Variants in MRPL42 observed in about 807,000 individuals in gnomAD.
MRPL42 encodes large ribosomal subunit protein mL42.
Under a neutral mutation model 17.9 loss-of-function variants are expected in MRPL42, and 17 were observed. The ratio of observed to expected loss-of-function variants is 0.95; its 90% CI spans 0.65 to 1.42. The LOEUF (loss-of-function observed/expected upper bound fraction) is 1.42, where lower values mean the gene tolerates loss of function less well. Ranked by LOEUF, MRPL42 falls within the 40% of genes most tolerant of loss-of-function variation. The pLI is 0.00. For synonymous variants in MRPL42, 59 were observed against 54.4 expected (o/e 1.08, Z -0.37); for missense variants, 177 against 175.2 (o/e 1.01, Z -0.06).
chr12:93,484,890 G>T (rs1009438822), intron 4 of MRPL42, among the ~76,000 whole-genome samples: 1 of 145,076 alleles, frequency 6.9e-6, no homozygotes, highest in African/African-American at 2.5e-5. Flanking sequence ...GAGTCACTGC[G>T]CCCGGCCTCA....
Position 93,480,130 on chromosome 12 carries a change from C to CT in MRPL42, c.219+667dup, listed in dbSNP as rs1292151973. On this transcript the variant is annotated intron_variant, in intron 4 of 5. Transcript: ENST00000549982. ...CTTCTACTAGGTAATGTTTGATTTG[C>CT]TTTTTTTTTGAGACAGGGTCTCACT... 2.8e-3 allele frequency among the ~76,000 whole-genome samples: 415 copies of CT among 150,634 alleles called. 4 individuals carry two copies. Among genetic ancestry groups the CT allele is most frequent in the Non-Finnish European group, 4.7e-3 (320 of 67,482 alleles).
chr12:93,497,929 T>A (rs1953536397), intron 5 of MRPL42, among the ~76,000 whole-genome samples: 1 of 144,462 alleles, frequency 6.9e-6, no homozygotes, highest in Non-Finnish European at 1.5e-5. Flanking sequence ...CCTACTGTCT[T>A]TTCCTTGTTC....
In MRPL42 at chr12:93,496,337, G is replaced by A. The variant is rs148786235; in HGVS notation, c.384-4839G>A. On this transcript the variant is annotated intron_variant, in intron 5 of 5. Transcript: ENST00000549982. ...GGCTCCCAAAGTGCTAAGATTACAA[G>A]CATGAGCCACCACGCCCAGACAACA... Among the ~76,000 whole-genome samples, 427 of 152,180 alleles carry A rather than the reference G, an allele frequency of 2.8e-3. 7 individuals carry two copies. The highest frequency in any genetic ancestry group is 0.024 in the Admixed American group (367 of 15,268).
intron 3 of MRPL42, among the ~76,000 whole-genome samples, chr12:93,477,631 C>G (rs1206691859): frequency 2.6e-5 from 4 of 151,994 alleles, no homozygotes; most frequent in African/African-American, 9.7e-5. Flanking sequence ...GGGTCTTGTT[C>G]TCTCGCTCAG....
chr12:93,490,112 A>T (rs1350212813), intron 5 of MRPL42, among the ~76,000 whole-genome samples: 1 of 152,180 alleles, frequency 6.6e-6, no homozygotes, highest in Non-Finnish European at 1.5e-5. Context: ...TCTTTCCTGC[A>T]TGTTCCATAT....
rs1390190513 is a variant in MRPL42, at chr12:93,512,402, A to G, written c.*11181A>G. 1 of 152,286 alleles carries G rather than the reference A, an allele frequency of 6.6e-6. No homozygotes were observed. The highest frequency in any genetic ancestry group is 1.5e-5 in the Non-Finnish European group (1 of 68,112). 9.4% of individuals were successfully genotyped at this position (152,286 alleles called of 1,614,324 possible). On this transcript the variant is annotated 3_prime_UTR_variant, in exon 6 of 6. Coordinates refer to ENST00000549982, the MANE Select transcript of MRPL42 (RefSeq NM_014050.4). ...AGGAAGCAGAGGTTGCAGTGAGCCAAGATTGTGCCACTGCACACCAGCCTG... is the reference window on the plus strand; with the variant it reads ...AGGAAGCAGAGGTTGCAGTGAGCCAGGATTGTGCCACTGCACACCAGCCTG...
intron 4 of MRPL42, among the ~76,000 whole-genome samples, chr12:93,485,940 G>C (rs1185894563): frequency 6.6e-6 from 1 of 151,876 alleles, no homozygotes; most frequent in Non-Finnish European, 1.5e-5. Context: ...CAAGTAGCTG[G>C]GACTGCAGCC....
chr12:93,477,156 T>C (rs1880222029), intron 3 of MRPL42, 139 bp downstream of exon 3: 4 of 623,246 alleles, frequency 6.4e-6, no homozygotes, highest in Non-Finnish European at 7.9e-6. Context: ...ATTATTTTAA[T>C]GATTTTATTT....
intron 1 of MRPL42, among the ~76,000 whole-genome samples, chr12:93,468,276 G>A (rs1253011841): frequency 3.3e-5 from 5 of 150,640 alleles, no homozygotes; most frequent in African/African-American, 4.9e-5. Context: ...CAAATAAGAG[G>A]GCCTGTGTCC....
intron 2 of MRPL42, 30 bp from the exon 3 acceptor site, chr12:93,476,924 A>T: frequency 6.4e-7 from 1 of 1,572,114 alleles, no homozygotes; most frequent in East Asian, 2.2e-5. Context: ...AAATTAACCA[A>T]ATCTGTTTTA....
Position 93,505,500 on chromosome 12 carries a change from TTC to T in MRPL42, c.*4280_*4281del, listed in dbSNP as rs1565822013. ...GGAATGCTTCTTCAGATTTTTTTTT[TTC>T]CCCAGAAGTTCAAAATAACTTGCTC... On this transcript the variant is annotated 3_prime_UTR_variant, in exon 6 of 6. Coordinates refer to ENST00000549982, the MANE Select transcript of MRPL42 (RefSeq NM_014050.4). 1 of 151,748 alleles carries T rather than the reference TTC, an allele frequency of 6.6e-6. No homozygotes were observed. The highest frequency in any genetic ancestry group is 6.6e-5 in the Admixed American group (1 of 15,214). The allele number at this position is 151,748 out of a possible 1,614,324, so 9.4% of individuals were successfully genotyped here.
At chr12:93,484,979 C>CACAT (rs1555201395) in intron 4 of MRPL42, among the ~76,000 whole-genome samples, 17 of 22,470 alleles carry the variant, frequency 7.6e-4, no homozygotes, top group East Asian at 2.4e-3. Context: ...CACACACACA[C>CACAT]ATATATATAT....
At chr12:93,492,523 G>A (rs1953434536) in intron 5 of MRPL42, among the ~76,000 whole-genome samples, 1 of 152,124 alleles carries the variant, frequency 6.6e-6, no homozygotes, top group Non-Finnish European at 1.5e-5. Flanking sequence ...GGTTCTAGAA[G>A]GGGTTTGGGA....
At chr12:93,480,758 T>G (rs1880422352) in intron 4 of MRPL42, among the ~76,000 whole-genome samples, 1 of 151,182 alleles carries the variant, frequency 6.6e-6, no homozygotes, top group Non-Finnish European at 1.5e-5. Flanking sequence ...GGCAGTATGG[T>G]CTCGATCTCT....
chr12:93,482,500 A>G (rs1592774028), intron 4 of MRPL42, among the ~76,000 whole-genome samples: 1 of 152,134 alleles, frequency 6.6e-6, no homozygotes, highest in East Asian at 1.9e-4. Context: ...TTTTTCTATT[A>G]AGTGAATGAA....
chr12:93,490,225 G>A (rs1191088516), intron 5 of MRPL42, among the ~76,000 whole-genome samples: 1 of 152,154 alleles, frequency 6.6e-6, no homozygotes, highest in Non-Finnish European at 1.5e-5. Flanking sequence ...TTAAAACCGA[G>A]CATGTTGTCT....
In MRPL42 at chr12:93,510,777, A is replaced by G. The variant is rs186333776; in HGVS notation, c.*9556A>G. The G allele has an allele frequency of 1.4e-3, 209 of 152,214 alleles. 2 individuals are homozygous for G. The highest frequency in any genetic ancestry group is 0.013 in the Admixed American group (206 of 15,278). The allele number at this position is 152,214 out of a possible 1,614,324, so 9.4% of individuals were successfully genotyped here. On this transcript the variant is annotated 3_prime_UTR_variant, in exon 6 of 6. Transcript: ENST00000549982. ...TATTTACTCATTATTTTTTCTTCTTATGATTGAAGTTATAATATTTCTTTA... is the reference window on the plus strand; with the variant it reads ...TATTTACTCATTATTTTTTCTTCTTGTGATTGAAGTTATAATATTTCTTTA...
intron 2 of MRPL42, 69 bp downstream of exon 2, chr12:93,469,424 T>C (rs1879794453): frequency 3.4e-6 from 4 of 1,185,210 alleles, no homozygotes; most frequent in Non-Finnish European, 4.8e-6. Context: ...TTAAAGCATT[T>C]AGTTATTGTA....
At chr12:93,497,008 A>G (rs188418710) in intron 5 of MRPL42, among the ~76,000 whole-genome samples, 3 of 152,296 alleles carry the variant, frequency 2.0e-5, no homozygotes, top group Non-Finnish European at 4.4e-5. Context: ...ACAACCTCGC[A>G]TGTTTGAATC....
Sources: allele counts gnomAD v4.1 joint callset (sites outside exome capture counted in the v4.1 genomes callset), GRCh38; gene constraint gnomAD v4.1.1; transcripts MANE v1.5; gene names NCBI Gene and HGNC (gene_info 2026-07-23, HGNC 2026-07-21).